Variants in ATP10A observed in about 807,000 individuals in gnomAD.
The protein encoded by ATP10A is ATPase phospholipid transporting 10A (putative), also known as phospholipid-transporting ATPase VA.
Under a neutral mutation model 147.8 loss-of-function variants are expected in ATP10A, and 111 were observed. The observed-to-expected ratio is 0.75, with a 90% confidence interval of 0.64 to 0.88. ATP10A has a LOEUF of 0.88. ATP10A is among the 40% of genes least tolerant of loss of function. ATP10A has a pLI of 0.00. For missense variants in ATP10A, 1,927 were observed against 1,959.0 expected, an observed-to-expected ratio of 0.98 and a Z score of 0.31; for synonymous variants, 875 against 841.6, an observed-to-expected ratio of 1.04 and a Z score of -0.69.
intron 1 of ATP10A, among the ~76,000 whole-genome samples, chr15:25,838,667 GC>G (rs1892684961): frequency 6.6e-6 from 1 of 152,208 alleles, no homozygotes; most frequent in Non-Finnish European, 1.5e-5. Flanking sequence ...AACTCACTAT[GC>G]AACAGAGTCC....
At chr15:25,736,608 T>C (rs866268490) in intron 2 of ATP10A, among the ~76,000 whole-genome samples, 6 of 152,130 alleles carry the variant, frequency 3.9e-5, no homozygotes, top group African/African-American at 1.4e-4. Context: ...AAGATTTACA[T>C]AGCCAATGAG....
chr15:25,691,443 T>C (rs551953363), intron 15 of ATP10A, among the ~76,000 whole-genome samples: 10 of 152,348 alleles, frequency 6.6e-5, no homozygotes, highest in African/African-American at 2.4e-4. Context: ...TGACTCACCT[T>C]GCCTCTCTCT....
intron 3 of ATP10A, among the ~76,000 whole-genome samples, chr15:25,730,383 C>T (rs1902907654): frequency 6.6e-6 from 1 of 151,624 alleles, no homozygotes; most frequent in Non-Finnish European, 1.5e-5. Flanking sequence ...ATTCCCTGCT[C>T]CCTCCTAGAG....
intron 2 of ATP10A, among the ~76,000 whole-genome samples, chr15:25,778,067 G>A (rs1039697021): frequency 6.6e-6 from 1 of 151,854 alleles, no homozygotes; most frequent in African/African-American, 2.4e-5. Context: ...ATCATGTGTG[G>A]TTTCTGTCTC....
chr15:25,773,985 C>T (rs983487294), intron 2 of ATP10A, among the ~76,000 whole-genome samples: 1 of 152,048 alleles, frequency 6.6e-6, no homozygotes, highest in Non-Finnish European at 1.5e-5. Flanking sequence ...CCCTTTGCAA[C>T]TGCTGATGCA....
At chr15:25,804,001 G>C (rs1891055454) in intron 1 of ATP10A, among the ~76,000 whole-genome samples, 2 of 152,072 alleles carry the variant, frequency 1.3e-5, no homozygotes, top group South Asian at 2.1e-4. Flanking sequence ...ATGTGAGGCT[G>C]TGTTTGTCAG....
At chr15:25,689,728 T>C (rs1899911727) in intron 15 of ATP10A, among the ~76,000 whole-genome samples, 1 of 152,342 alleles carries the variant, frequency 6.6e-6, no homozygotes, top group African/African-American at 2.4e-5. Flanking sequence ...CAGCTACGCC[T>C]GTTCAAAGCT....
chr15:25,829,028 G>C (rs763106679), intron 1 of ATP10A, among the ~76,000 whole-genome samples: 3 of 152,106 alleles, frequency 2.0e-5, no homozygotes, highest in Non-Finnish European at 4.4e-5. Flanking sequence ...GAGAAAGGAG[G>C]GGGTAACAGA....
chr15:25,760,886 T>C (rs1157927447), intron 2 of ATP10A, among the ~76,000 whole-genome samples: 1 of 152,220 alleles, frequency 6.6e-6, no homozygotes, highest in East Asian at 1.9e-4. Flanking sequence ...ACCATATGTT[T>C]CAGCCATTCC....
intron 1 of ATP10A, among the ~76,000 whole-genome samples, chr15:25,814,100 C>T (rs191093375): frequency 6.6e-6 from 1 of 151,920 alleles, no homozygotes; most frequent in Non-Finnish European, 1.5e-5. Context: ...ATTCAAATTG[C>T]TTAAAATCAA....
At chr15:25,760,523 T>C (rs1320113495) in intron 2 of ATP10A, among the ~76,000 whole-genome samples, 1 of 152,212 alleles carries the variant, frequency 6.6e-6, no homozygotes. Flanking sequence ...AATCTTCAAG[T>C]GTTATGTCTT....
intron 17 of ATP10A, among the ~76,000 whole-genome samples, chr15:25,682,053 T>TAA (rs5811392): frequency 2.4e-5 from 3 of 127,166 alleles, no homozygotes; most frequent in South Asian, 2.6e-4. Flanking sequence ...GACCTTGTCT[T>TAA]AAAAAAAAAA....
chr15:25,781,319 A>G, intron 1 of ATP10A, 96 bp from the exon 2 acceptor site: 1 of 1,050,382 alleles, frequency 9.5e-7, no homozygotes, highest in East Asian at 2.6e-5. Flanking sequence ...AATTCTTTCT[A>G]CATTTGCATA....
At position 25,714,213 on chromosome 15, in the gene ATP10A, G is replaced by C. The variant is rs756690890; in HGVS notation, c.1805C>G (p.Pro602Arg). 2.5e-6 allele frequency: 4 copies of C among 1,600,822 alleles called. No individual in the cohort carries two copies. The highest frequency in any genetic ancestry group is 1.3e-5 in the African/African-American group (1 of 75,010). The change falls in exon 10 of 21, where the codon CCG becomes CGG. Residue 602 changes from proline (P) to arginine (R), a missense_variant. Pro to Arg is a moderately radical substitution (Grantham distance 103, BLOSUM62 -2). Coordinates refer to ENST00000555815, the MANE Select transcript of ATP10A (RefSeq NM_024490.4). Reference protein sequence around the residue: ...KVRVRFELKSPVKTIEDFLRR... With the variant: ...KVRVRFELKSRVKTIEDFLRR... ...CAGGAAGTCTTCTATCGTCTTCACC[G>C]GGGACTTCAGCTCAAACCTCACCCT...
intron 3 of ATP10A, among the ~76,000 whole-genome samples, chr15:25,732,528 C>T (rs1314791837): frequency 1.3e-5 from 2 of 149,128 alleles, no homozygotes; most frequent in South Asian, 2.1e-4. Context: ...TAAGATTTTC[C>T]TACTGTGAGC....
intron 5 of ATP10A, among the ~76,000 whole-genome samples, chr15:25,724,973 G>A (rs150310603): frequency 2.1e-4 from 32 of 152,300 alleles, no homozygotes; most frequent in Non-Finnish European, 3.7e-4. Flanking sequence ...AAGTAACCTA[G>A]AGGTGATTTA....
Position 25,781,063 on chromosome 15 carries a change from T to C in ATP10A, c.610A>G (p.Thr204Ala). Residue 204 changes from threonine to alanine, a missense_variant, in exon 2 of 21, where the codon ACC becomes GCC. Transcript: ENST00000555815. ...HIETANLDGE[T>A]NLKRRQVVRG... ...ACCACCTGCCGCCGCTTCAGGTTGG[T>C]CTCTCCATCCAGGTTGGCGGTCTCG... 2 of 1,614,000 alleles carry C rather than the reference T, an allele frequency of 1.2e-6. No individual in the cohort carries two copies. The highest frequency in any genetic ancestry group is 1.7e-6 in the Non-Finnish European group (2 of 1,180,024).
At chr15:25,748,395 G>A (rs1334496883) in intron 2 of ATP10A, among the ~76,000 whole-genome samples, 1 of 149,820 alleles carries the variant, frequency 6.7e-6, no homozygotes, top group Non-Finnish European at 1.5e-5. Flanking sequence ...CACAAAAAGA[G>A]AAAAATCATA....
rs968494263 is a variant in ATP10A, at chr15:25,765,443, G to A, written c.654+15576C>T. On this transcript the variant is annotated intron_variant, in intron 2 of 20. Coordinates refer to ENST00000555815, the MANE Select transcript of ATP10A (RefSeq NM_024490.4). Reference sequence around the variant, plus strand: ...GTTTTCTGGCACCAAGAAAGCTCAGGTTAAAGTCAGAGACTTAGCGTTCCC... The same window carrying A: ...GTTTTCTGGCACCAAGAAAGCTCAGATTAAAGTCAGAGACTTAGCGTTCCC... Among the ~76,000 whole-genome samples, 5 of 152,262 alleles carry A rather than the reference G, an allele frequency of 3.3e-5. No homozygotes were observed. In the East Asian group the frequency reaches 9.7e-4, roughly 29 times the overall value.
Sources: allele counts gnomAD v4.1 joint callset (sites outside exome capture counted in the v4.1 genomes callset), GRCh38; gene constraint gnomAD v4.1.1; transcripts MANE v1.5; gene names NCBI Gene and HGNC (gene_info 2026-07-23, HGNC 2026-07-21).